Variants in ATAD5 observed in about 807,000 individuals in gnomAD.
The protein encoded by ATAD5 is ATPase family AAA domain containing 5.
In ATAD5, 58 loss-of-function variants were observed where a neutral mutation model predicts 176.9. The ratio of observed to expected loss-of-function variants is 0.33; its 90% confidence interval spans 0.27 to 0.41. The LOEUF (loss-of-function observed/expected upper bound fraction) is 0.41. ATAD5 is among the 10% of genes least tolerant of loss of function. The probability of loss-of-function intolerance (pLI) is 1.00; values close to 1 mark genes in which losing one functional copy is unlikely to be tolerated. For synonymous variants in ATAD5, 640 were observed against 712.6 expected, an observed-to-expected ratio of 0.90 and a Z score of 1.62; for missense variants, 1,789 against 2,094.1, an observed-to-expected ratio of 0.85 and a Z score of 2.84.
chr17:30,881,916 C>G (rs959547796), intron 18 of ATAD5, among the ~76,000 whole-genome samples: 5 of 150,616 alleles, frequency 3.3e-5, no homozygotes, highest in Admixed American at 6.6e-5. Flanking sequence ...CTGTCCCCCC[C>G]CCAAAAAAAT....
intron 4 of ATAD5, 74 bp from the exon 5 acceptor site, chr17:30,843,839 C>T (rs1449196278): frequency 1.1e-6 from 1 of 891,690 alleles, no homozygotes; most frequent in African/African-American, 1.7e-5. Flanking sequence ...GTTTCTATCA[C>T]TGTGATTCTT....
At position 30,887,337 on chromosome 17, in the gene ATAD5, G is replaced by C. The variant is rs1909377644; in HGVS notation, c.4223G>C (p.Gly1408Ala). The C allele has an allele frequency of 6.2e-7, 1 of 1,605,292 alleles. No individual in the cohort carries two copies. The highest frequency in any genetic ancestry group is 8.5e-7 in the Non-Finnish European group (1 of 1,177,528). The change falls in exon 19 of 23, where the codon GGT becomes GCT. Residue 1408 changes from glycine (G) to alanine (A), a missense_variant. Coordinates refer to ENST00000321990, the MANE Select transcript of ATAD5 (RefSeq NM_024857.5). ...LYLQFWIRSG[G>A]GVLEERPLTL... ...TTACAATTCTGGATTAGAAGTGGAGGTGGAGTTTTAGAAGAACGACCATTA... is the reference window on the plus strand; with the variant it reads ...TTACAATTCTGGATTAGAAGTGGAGCTGGAGTTTTAGAAGAACGACCATTA...
chr17:30,871,832 ATCAATCCTGC>A (rs1908355107), intron 14 of ATAD5, among the ~76,000 whole-genome samples: 3 of 151,922 alleles, frequency 2.0e-5, no homozygotes, highest in African/African-American at 7.3e-5. Flanking sequence ...TTCTAAATTT[ATCAATCCTGC>A]ACTTTTTGTA....
chr17:30,852,369 A>G (rs1907020739), intron 6 of ATAD5, among the ~76,000 whole-genome samples: 1 of 152,024 alleles, frequency 6.6e-6, no homozygotes, highest in Non-Finnish European at 1.5e-5. Context: ...GCCTTGTCTC[A>G]GCTCTGCAGT....
chr17:30,880,504 A>T (rs1567697285), intron 18 of ATAD5, among the ~76,000 whole-genome samples: 1 of 151,548 alleles, frequency 6.6e-6, no homozygotes, highest in Non-Finnish European at 1.5e-5. Flanking sequence ...GCTACTTGGG[A>T]GGCTGTGGCA....
At chr17:30,865,318 C>A (rs961245204) in intron 10 of ATAD5, among the ~76,000 whole-genome samples, 9 of 151,720 alleles carry the variant, frequency 5.9e-5, no homozygotes, top group African/African-American at 2.2e-4. Flanking sequence ...GACTACAGGC[C>A]CCCGCCACCA....
chr17:30,881,339 G>GC (rs1487964641), intron 18 of ATAD5, among the ~76,000 whole-genome samples: 1 of 152,022 alleles, frequency 6.6e-6, no homozygotes, highest in Non-Finnish European at 1.5e-5. Flanking sequence ...TTGTCCTGTT[G>GC]CCCAGGCTGG....
intron 3 of ATAD5, among the ~76,000 whole-genome samples, chr17:30,838,438 ATAT>A (rs1213056867): frequency 1.3e-5 from 2 of 152,166 alleles, no homozygotes; most frequent in African/African-American, 4.8e-5. Context: ...CATAAAGTAA[ATAT>A]TATTTAACCC....
At chr17:30,848,215 C>T (rs1444897197) in intron 6 of ATAD5, among the ~76,000 whole-genome samples, 1 of 151,882 alleles carries the variant, frequency 6.6e-6, no homozygotes, top group Non-Finnish European at 1.5e-5. Context: ...GTTCTGGTAG[C>T]TGCCTATCTT....
intron 12 of ATAD5, among the ~76,000 whole-genome samples, chr17:30,868,803 C>G (rs1908161000): frequency 6.6e-6 from 1 of 151,020 alleles, no homozygotes; most frequent in African/African-American, 2.4e-5. Flanking sequence ...GCCACTGCAC[C>G]TGGCCTATAA....
At chr17:30,865,841 C>G in intron 11 of ATAD5, 41 bp downstream of exon 11, 1 of 1,287,124 alleles carries the variant, frequency 7.8e-7, no homozygotes, top group South Asian at 1.4e-5. Context: ...AGTTTACAAA[C>G]TTAGTTTTAC....
intron 1 of ATAD5, among the ~76,000 whole-genome samples, chr17:30,832,910 T>A (rs1405957717): frequency 6.6e-6 from 1 of 152,224 alleles, no homozygotes; most frequent in Non-Finnish European, 1.5e-5. Context: ...TATCTGCGGT[T>A]AGGAATCGCA....
chr17:30,881,918 C>CA (rs370147283), intron 18 of ATAD5, among the ~76,000 whole-genome samples: 8 of 150,356 alleles, frequency 5.3e-5, no homozygotes, highest in African/African-American at 1.2e-4. Flanking sequence ...GTCCCCCCCC[C>CA]AAAAAAATAA....
At chr17:30,877,355 C>T in intron 15 of ATAD5, 61 bp from the exon 16 acceptor site, 1 of 1,140,628 alleles carries the variant, frequency 8.8e-7, no homozygotes, top group Non-Finnish European at 1.3e-6. Context: ...ATTCTGTGGA[C>T]ATATCCAATG....
At chr17:30,847,744 G>T (rs1205442293) in intron 6 of ATAD5, among the ~76,000 whole-genome samples, 1 of 128,410 alleles carries the variant, frequency 7.8e-6, no homozygotes. Context: ...TTTTGAGACA[G>T]AGTCTCACTC....
Position 30,832,315 on chromosome 17 carries a change from T to C in ATAD5, c.-33T>C. The C allele has an allele frequency of 1.3e-6, 2 of 1,526,746 alleles. No homozygotes were observed. Among genetic ancestry groups the C allele is most frequent in the South Asian group, 1.3e-5 (1 of 78,232 alleles). The allele number at this position is 1,526,746 out of a possible 1,614,324, so 94.6% of individuals were successfully genotyped here. A position where few individuals can be genotyped will look rare whatever the true frequency, so the allele number is the denominator to read the frequency against. ...GCAGGCCGGGCTGGACCGCGTGAGG[T>C]CCTAGGAGACGGGATTCCGGGAAGC... On this transcript the variant is annotated 5_prime_UTR_variant, in exon 1 of 23. Transcript: ENST00000321990.
At chr17:30,832,940 GT>G (rs955806748) in intron 1 of ATAD5, among the ~76,000 whole-genome samples, 17 of 152,180 alleles carry the variant, frequency 1.1e-4, no homozygotes, top group African/African-American at 3.6e-4. Context: ...GTTCTTTTGG[GT>G]TTATCAGGTT....
chr17:30,868,281 TA>T, intron 11 of ATAD5, 51 bp from the exon 12 acceptor site: 2 of 1,430,936 alleles, frequency 1.4e-6, no homozygotes, highest in Non-Finnish European at 1.9e-6. Flanking sequence ...ACATAAAGTC[TA>T]AGGCATAGCT....
chr17:30,840,308 G>A (rs567820143), intron 3 of ATAD5, among the ~76,000 whole-genome samples: 10 of 151,474 alleles, frequency 6.6e-5, no homozygotes, highest in South Asian at 2.1e-4. Context: ...CTGGGTAACT[G>A]TTTGGATTTG....
Sources: allele counts gnomAD v4.1 joint callset (sites outside exome capture counted in the v4.1 genomes callset), GRCh38; gene constraint gnomAD v4.1.1; transcripts MANE v1.5; gene names NCBI Gene and HGNC (gene_info 2026-07-23, HGNC 2026-07-21).